The following GABBR2 variants were observed in gnomAD, a reference collection of about 807,000 sequenced individuals.
The protein encoded by GABBR2 is G-protein coupled receptor 51.
Under a neutral mutation model 105.6 loss-of-function variants are expected in GABBR2, and 23 were observed. That is an observed-to-expected ratio of 0.22 (90% confidence interval 0.16 to 0.31). The LOEUF (loss-of-function observed/expected upper bound fraction) is 0.31. Ranked by LOEUF, GABBR2 falls within the 10% of genes least tolerant of loss-of-function variation. The pLI, the probability that GABBR2 is intolerant of heterozygous loss-of-function variation, is 1.00. For missense variants in GABBR2, 734 were observed against 1,245.5 expected (o/e 0.59, Z 6.18); for synonymous variants, 478 against 499.7 (o/e 0.96, Z 0.58).
At chr9:98,641,949 C>T (rs957584808) in intron 1 of GABBR2, among the ~76,000 whole-genome samples, 3 of 152,112 alleles carry the variant, frequency 2.0e-5, no homozygotes, top group Middle Eastern at 3.2e-3. Flanking sequence ...CGGCCTCACT[C>T]GAGGAGAGAA....
In GABBR2 at chr9:98,289,530, G is replaced by A. The variant is rs945613207; in HGVS notation, c.*1054C>T. 6.6e-6 allele frequency: 1 copy of A among 152,424 alleles called. No homozygotes were observed. Among genetic ancestry groups the A allele is most frequent in the Non-Finnish European group, 1.5e-5 (1 of 67,992 alleles). 9.4% of individuals were successfully genotyped at this position (152,424 alleles called of 1,614,324 possible). On this transcript the variant is annotated 3_prime_UTR_variant, in exon 19 of 19. Coordinates refer to ENST00000259455, the MANE Select transcript of GABBR2 (RefSeq NM_005458.8). ...TTGTCTGGATGGAAGGCTGCCTTCT[G>A]GAAGCCAAGGGAAGCCCTCAGCCAG...
chr9:98,510,337 C>CAAGGCTAGG (rs1251630569), intron 3 of GABBR2, among the ~76,000 whole-genome samples: 1 of 152,188 alleles, frequency 6.6e-6, no homozygotes, highest in Non-Finnish European at 1.5e-5. Context: ...TAAAGACCAT[C>CAAGGCTAGG]AAGGCTAGGA....
intron 11 of GABBR2, among the ~76,000 whole-genome samples, chr9:98,384,873 A>G (rs1004267557): frequency 6.6e-6 from 1 of 152,230 alleles, no homozygotes; most frequent in Non-Finnish European, 1.5e-5. Context: ...TCTGGTATTA[A>G]ACTTTCATAA....
intron 3 of GABBR2, among the ~76,000 whole-genome samples, chr9:98,535,113 C>T (rs990655273): frequency 2.0e-5 from 3 of 152,000 alleles, no homozygotes; most frequent in African/African-American, 4.8e-5. Context: ...AGGGGGGCAC[C>T]GGGGGAACAG....
chr9:98,387,001 G>A (rs1486991552), intron 10 of GABBR2, among the ~76,000 whole-genome samples: 1 of 152,094 alleles, frequency 6.6e-6, no homozygotes. Context: ...CTGAGATGAC[G>A]CTGGGTCCTT....
intron 7 of GABBR2, among the ~76,000 whole-genome samples, chr9:98,414,613 G>A (rs2131544406): frequency 6.6e-6 from 1 of 152,278 alleles, no homozygotes; most frequent in African/African-American, 2.4e-5. Context: ...TAGAACAAGT[G>A]ATATTCCAAT....
intron 4 of GABBR2, among the ~76,000 whole-genome samples, chr9:98,487,044 C>A (rs939934801): frequency 1.3e-5 from 2 of 152,224 alleles, no homozygotes; most frequent in African/African-American, 2.4e-5. Context: ...GGGAATAGCC[C>A]ACAGCAGCCC....
chr9:98,330,048 A>T (rs1032923621), intron 13 of GABBR2, among the ~76,000 whole-genome samples: 3 of 152,228 alleles, frequency 2.0e-5, no homozygotes, highest in Admixed American at 2.0e-4. Context: ...TCAAGAGCTC[A>T]TCACATTCTC....
At chr9:98,523,521 A>G (rs1310925988) in intron 3 of GABBR2, among the ~76,000 whole-genome samples, 1 of 152,260 alleles carries the variant, frequency 6.6e-6, no homozygotes, top group Admixed American at 6.5e-5. Flanking sequence ...AAATGGAATA[A>G]CAGGACCATT....
In GABBR2 at chr9:98,388,840, C is replaced by G. The variant is rs1334688539; in HGVS notation, c.1529+14G>C. 2 of 1,607,404 alleles carry G rather than the reference C, an allele frequency of 1.2e-6. No homozygotes were observed. The highest frequency in any genetic ancestry group is 1.7e-6 in the Non-Finnish European group (2 of 1,175,322). On this transcript the variant is annotated intron_variant, in intron 10 of 18. Transcript: ENST00000259455. This position sits in a 1 kb window ranked among gnomAD's most constrained non-coding sequence, Gnocchi z 4.4. ...TAGAAAGTGATATCACAGAGGAGGA[C>G]CAGGGTGGCTTACTTCTGATTCCGG... is the stretch of plus-strand genomic sequence containing the variant.
At chr9:98,451,264 T>C (rs1826224437) in intron 7 of GABBR2, among the ~76,000 whole-genome samples, 1 of 152,172 alleles carries the variant, frequency 6.6e-6, no homozygotes, top group Non-Finnish European at 1.5e-5. Context: ...ACTGAGAAGC[T>C]CTTCTTTAAT....
intron 12 of GABBR2, among the ~76,000 whole-genome samples, chr9:98,364,233 G>T (rs979562528): frequency 6.6e-6 from 1 of 152,194 alleles, no homozygotes; most frequent in African/African-American, 2.4e-5. Flanking sequence ...CACCCTCTGG[G>T]GAACTAGGCA....
chr9:98,607,376 T>G, intron 1 of GABBR2: 1 of 692,828 alleles, frequency 1.4e-6, no homozygotes, highest in Non-Finnish European at 2.6e-6. Context: ...ATGAAGCGTT[T>G]GCATGAAACA....
rs143834480 is a variant in GABBR2, at chr9:98,437,010, T to C, written c.1236+16971A>G. 3.1e-3 allele frequency among the ~76,000 whole-genome samples: 468 copies of C among 152,134 alleles called. 11 individuals are homozygous for C. The highest frequency in any genetic ancestry group is 0.027 in the Admixed American group (419 of 15,278). Reference sequence around the variant, plus strand: ...AAGAGTAACTGGGTAGAGGACAGATTTTAATGAGGCCCTTTCACACTGAAA... The same window carrying C: ...AAGAGTAACTGGGTAGAGGACAGATCTTAATGAGGCCCTTTCACACTGAAA... On this transcript the variant is annotated intron_variant, in intron 7 of 18. Coordinates refer to ENST00000259455, the MANE Select transcript of GABBR2 (RefSeq NM_005458.8).
At position 98,708,687 on chromosome 9, in the gene GABBR2, T is replaced by TGGCGGCGGC. The variant is rs751111546; in HGVS notation, c.42_50dup (p.Pro18_Pro20dup). 6 of 1,066,030 alleles carry TGGCGGCGGC rather than the reference T, an allele frequency of 5.6e-6. No individual in the cohort carries two copies. Among genetic ancestry groups the TGGCGGCGGC allele is most frequent in the Non-Finnish European group, 6.8e-6 (6 of 883,646 alleles). The allele number at this position is 1,066,030 out of a possible 1,614,324, so 66.0% of individuals were successfully genotyped here. A position where few individuals can be genotyped will look rare whatever the true frequency, so the allele number is the denominator to read the frequency against. On this transcript the variant is annotated inframe_insertion, in exon 1 of 19. Coordinates refer to ENST00000259455, the MANE Select transcript of GABBR2 (RefSeq NM_005458.8). ...GCAGTAGCAGGCGCGCGGGCGGCGG[T>TGGCGGCGGC]GGCGGCGGCGGCGGCGGCCCGGGCT... is the stretch of plus-strand genomic sequence containing the variant.
intron 4 of GABBR2, among the ~76,000 whole-genome samples, chr9:98,485,894 C>G (rs1267963336): frequency 2.6e-5 from 4 of 152,170 alleles, no homozygotes; most frequent in Admixed American, 2.0e-4. Context: ...GGAGCCACTC[C>G]ATGCCCCACA....
intron 11 of GABBR2, among the ~76,000 whole-genome samples, chr9:98,373,106 G>C (rs968078632): frequency 6.6e-6 from 1 of 152,060 alleles, no homozygotes; most frequent in African/African-American, 2.4e-5. Flanking sequence ...ACAAAACAGG[G>C]AGGGGGAAAG....
intron 1 of GABBR2, among the ~76,000 whole-genome samples, chr9:98,656,830 CA>C (rs1271854225): frequency 2.6e-5 from 4 of 152,018 alleles, no homozygotes; most frequent in Non-Finnish European, 5.9e-5. Flanking sequence ...ATTATGGAAA[CA>C]AAAAACATGG....
At chr9:98,387,491 CAA>C (rs1832094889) in intron 10 of GABBR2, among the ~76,000 whole-genome samples, 1 of 152,140 alleles carries the variant, frequency 6.6e-6, no homozygotes, top group Non-Finnish European at 1.5e-5. Context: ...ATGGAGTGGA[CAA>C]AAGTTGCCTC....
Sources: allele counts gnomAD v4.1 joint callset (sites outside exome capture counted in the v4.1 genomes callset), GRCh38; gene constraint gnomAD v4.1.1; non-coding constraint Gnocchi (gnomAD v3.1); transcripts MANE v1.5; gene names NCBI Gene and HGNC (gene_info 2026-07-23, HGNC 2026-07-21).